The following CD72 variants were observed in gnomAD, a reference collection of about 807,000 sequenced individuals.
CD72 encodes CD72 molecule.
In CD72, 28 loss-of-function variants were observed where a neutral mutation model predicts 50.7. That is an observed-to-expected ratio of 0.55 (90% CI 0.41 to 0.76). The LOEUF (loss-of-function observed/expected upper bound fraction) is 0.76, where lower values mean the gene tolerates loss of function less well. Ranked by LOEUF, CD72 falls within the 30% of genes least tolerant of loss-of-function variation. CD72 has a pLI of 0.00. For missense variants in CD72, 403 were observed against 420.6 expected (o/e 0.96, Z 0.37); for synonymous variants, 176 against 171.2 (o/e 1.03, Z -0.22).
rs1297211243 is a variant in CD72 at position 35,610,132 on chromosome 9, C to T, written c.*191G>A. On this transcript the variant is annotated 3_prime_UTR_variant, in exon 9 of 9. Coordinates refer to ENST00000259633, the MANE Select transcript of CD72 (RefSeq NM_001782.3). The stretch of plus-strand genomic sequence containing the variant: ...CTTCTAGAGGTGGCTTCACCCTTTT[C>T]CCAGGAACAGTCCAGTTTCAGGAAG... 1 of 216,892 alleles carries T rather than the reference C, an allele frequency of 4.6e-6. No homozygotes were observed. The highest frequency in any genetic ancestry group is 1.6e-3 in the Middle Eastern group (1 of 624). The allele number at this position is 216,892 out of a possible 1,614,324, so 13.4% of individuals were successfully genotyped here.
chr9:35,646,170 G>GAA, intron 1 of CD72: 2 of 141,278 alleles, frequency 1.4e-5, no homozygotes, highest in Non-Finnish European at 1.6e-5. Flanking sequence ...CAAAAAAAAA[G>GAA]AAAAAAAAAA....
Position 35,616,957 on chromosome 9 carries a change from G to C in CD72, c.262+219C>G, listed in dbSNP as rs1054903163. The C allele has an allele frequency of 7.7e-6, 11 of 1,421,526 alleles. No individual in the cohort carries two copies. In the Admixed American group the frequency reaches 1.9e-4, roughly 25 times the overall value. 88.1% of individuals were successfully genotyped at this position (1,421,526 alleles called of 1,614,324 possible). On this transcript the variant is annotated intron_variant, in intron 3 of 8. Coordinates refer to ENST00000259633, the MANE Select transcript of CD72 (RefSeq NM_001782.3). The stretch of plus-strand genomic sequence containing the variant: ...AATATCAGACGGAGAGAGGGGAAGG[G>C]GGGCAGGTAGGTGAATTGGGACCAT...
chr9:35,623,011 T>C, upstream of CD72, among the ~76,000 whole-genome samples: 1 of 151,500 alleles, frequency 6.6e-6, no homozygotes, highest in Admixed American at 6.6e-5. Flanking sequence ...GGAGGCTGAG[T>C]GGGGAGGATT....
chr9:35,622,674 C>G (rs556015665), upstream of CD72, among the ~76,000 whole-genome samples: 2 of 152,186 alleles, frequency 1.3e-5, no homozygotes, highest in South Asian at 4.2e-4. Flanking sequence ...GTAGTCCCAG[C>G]TACCCAGGAG....
intron 1 of CD72, among the ~76,000 whole-genome samples, chr9:35,627,515 T>G (rs1823207395): frequency 6.6e-6 from 1 of 152,156 alleles, no homozygotes; most frequent in Non-Finnish European, 1.5e-5. Flanking sequence ...ACAATATCTC[T>G]GAAGTATGCC....
At chr9:35,620,967 G>A (rs777825998), upstream of CD72, among the ~76,000 whole-genome samples, 2 of 152,116 alleles carry the variant, frequency 1.3e-5, no homozygotes, top group Non-Finnish European at 2.9e-5. Context: ...GGCCGCATTC[G>A]CTTCTGTCTT....
At chr9:35,612,703 G>T in intron 6 of CD72, 145 bp downstream of exon 6, 2 of 753,456 alleles carry the variant, frequency 2.7e-6, no homozygotes, top group Middle Eastern at 2.5e-4. Flanking sequence ...CAAGCTCAGA[G>T]GTCAAGAGTA....
At position 35,618,325 on chromosome 9, in the gene CD72, C is replaced by G. The variant is rs370359408; in HGVS notation, c.-22G>C. On this transcript the variant is annotated 5_prime_UTR_variant, in exon 1 of 9. Transcript: ENST00000259633. ...CCATGGTCCTGAGCAGCTCTGCCCC[C>G]ACTCGTCTTCCCTGTCATCCACTGT... 14 of 1,613,902 alleles carry G rather than the reference C, an allele frequency of 8.7e-6. No individual in the cohort carries two copies. Among genetic ancestry groups the G allele is most frequent in the Non-Finnish European group, 1.1e-5 (13 of 1,179,958 alleles).
In CD72 at chr9:35,618,099, C is replaced by T. The variant is rs1469154547; in HGVS notation, c.105G>A (p.Gly35=). 2 of 1,614,006 alleles carry T rather than the reference C, an allele frequency of 1.2e-6. No homozygotes were observed. The highest frequency in any genetic ancestry group is 2.2e-5 in the East Asian group (1 of 44,888). Residue 35 remains glycine (G), a synonymous_variant, in exon 2 of 9, where the codon GGG becomes GGA. Coordinates refer to ENST00000259633, the MANE Select transcript of CD72 (RefSeq NM_001782.3). ...LGQDPGADDD[G]EITYENVQVP... Reference sequence around the variant, plus strand: ...CTTGAACATTCTCGTAGGTGATTTCCCCATCATCATCAGCCCCTGGGTCTA... The same window carrying T: ...CTTGAACATTCTCGTAGGTGATTTCTCCATCATCATCAGCCCCTGGGTCTA...
intron 1 of CD72, among the ~76,000 whole-genome samples, chr9:35,630,398 A>T (rs958040652): frequency 1.3e-5 from 2 of 152,146 alleles, no homozygotes; most frequent in African/African-American, 2.4e-5. Flanking sequence ...TTGTATTTTT[A>T]AAAAATAGTT....
chr9:35,616,553 A>C, intron 4 of CD72, 47 bp downstream of exon 4: 1 of 1,429,856 alleles, frequency 7.0e-7, no homozygotes, highest in Non-Finnish European at 9.9e-7. Flanking sequence ...GAGAGTCGGG[A>C]CGAAAGTCGT....
chr9:35,614,171 G>A (rs1422359262), intron 5 of CD72, among the ~76,000 whole-genome samples: 1 of 152,182 alleles, frequency 6.6e-6, no homozygotes, highest in Non-Finnish European at 1.5e-5. Flanking sequence ...GTTTTACATA[G>A]AGGAATTTTG....
chr9:35,611,183 G>A (rs778835880), intron 7 of CD72, among the ~76,000 whole-genome samples: 2 of 151,992 alleles, frequency 1.3e-5, no homozygotes, highest in African/African-American at 2.4e-5. Context: ...CCCCTGAGGC[G>A]GAGCTTGCAG....
At chr9:35,626,092 G>C (rs1345496336) in intron 1 of CD72, among the ~76,000 whole-genome samples, 2 of 151,160 alleles carry the variant, frequency 1.3e-5, no homozygotes, top group Non-Finnish European at 2.9e-5. Context: ...TCCTCTCATG[G>C]ATCTGGGCAA....
chr9:35,618,327 C>T lies in CD72; in HGVS notation c.-24G>A. 6.2e-7 allele frequency: 1 copy of T among 1,614,022 alleles called. No homozygotes were observed. The highest frequency in any genetic ancestry group is 1.1e-5 in the South Asian group (1 of 91,052). ...ATGGTCCTGAGCAGCTCTGCCCCCACTCGTCTTCCCTGTCATCCACTGTCC... is the reference window on the plus strand; with the variant it reads ...ATGGTCCTGAGCAGCTCTGCCCCCATTCGTCTTCCCTGTCATCCACTGTCC... On this transcript the variant is annotated 5_prime_UTR_variant, in exon 1 of 9. It adds an upstream start codon to the 5' untranslated region. Coordinates refer to ENST00000259633, the MANE Select transcript of CD72 (RefSeq NM_001782.3).
chr9:35,612,722 C>T, intron 6 of CD72, 126 bp downstream of exon 6: 1 of 846,044 alleles, frequency 1.2e-6, no homozygotes, highest in Non-Finnish European at 1.9e-6. Context: ...TATTATGATT[C>T]TCAGTTTCTT....
chr9:35,637,075 C>G (rs553770882), intron 1 of CD72, among the ~76,000 whole-genome samples: 1 of 152,034 alleles, frequency 6.6e-6, no homozygotes, highest in African/African-American at 2.4e-5. Context: ...GTACTTTGTA[C>G]GATACACCCT....
upstream of CD72, among the ~76,000 whole-genome samples, chr9:35,621,170 G>T (rs1292189093): frequency 2.6e-5 from 4 of 152,192 alleles, no homozygotes; most frequent in Non-Finnish European, 5.9e-5. Context: ...AAGAGGTGAG[G>T]GGTCAGTGCT....
At chr9:35,622,680 A>G (rs966767559), upstream of CD72, among the ~76,000 whole-genome samples, 1 of 152,070 alleles carries the variant, frequency 6.6e-6, no homozygotes, top group Non-Finnish European at 1.5e-5. Context: ...CCAGCTACCC[A>G]GGAGGCTGAA....
Sources: allele counts gnomAD v4.1 joint callset (sites outside exome capture counted in the v4.1 genomes callset), GRCh38; gene constraint gnomAD v4.1.1; transcripts MANE v1.5; gene names NCBI Gene and HGNC (gene_info 2026-07-23, HGNC 2026-07-21).